Variants in SLC12A8 observed in about 807,000 individuals in gnomAD.
The protein encoded by SLC12A8 is solute carrier family 12 member 8.
SLC12A8 carries 69 observed loss-of-function variants against 75.6 expected under a neutral mutation model. The ratio of observed to expected loss-of-function variants is 0.91; its 90% CI spans 0.75 to 1.11. SLC12A8 has a LOEUF of 1.11. SLC12A8 is among the 50% of genes most tolerant of loss of function. The pLI, the probability that SLC12A8 is intolerant of heterozygous loss-of-function variation, is 0.00. For missense variants in SLC12A8, 877 were observed against 896.7 expected (o/e 0.98, Z 0.28); for synonymous variants, 365 against 372.8 (o/e 0.98, Z 0.24).
chr3:125,150,325 C>A (rs370317063), intron 5 of SLC12A8, among the ~76,000 whole-genome samples: 2 of 152,282 alleles, frequency 1.3e-5, no homozygotes, highest in East Asian at 3.9e-4. Context: ...ATATTGGAAG[C>A]AAGGCTGGTT....
intron 5 of SLC12A8, among the ~76,000 whole-genome samples, chr3:125,143,400 G>A (rs1383010640): frequency 6.6e-6 from 1 of 152,234 alleles, no homozygotes; most frequent in Non-Finnish European, 1.5e-5. Flanking sequence ...GATAGGTTTC[G>A]AAGAGGCCCC....
intron 13 of SLC12A8, among the ~76,000 whole-genome samples, chr3:125,086,953 A>G (rs1938473826): frequency 6.6e-6 from 1 of 152,202 alleles, no homozygotes; most frequent in Non-Finnish European, 1.5e-5. Context: ...GAGTTGTCTT[A>G]AATAGGATTC....
At chr3:125,106,511 C>A (rs1056149312) in intron 10 of SLC12A8, among the ~76,000 whole-genome samples, 1 of 152,182 alleles carries the variant, frequency 6.6e-6, no homozygotes, top group Non-Finnish European at 1.5e-5. Context: ...TCAAGCAATT[C>A]TCCTGCCTCA....
chr3:125,144,817 G>A (rs879212223), intron 5 of SLC12A8, among the ~76,000 whole-genome samples: 4 of 152,178 alleles, frequency 2.6e-5, no homozygotes, highest in Admixed American at 2.6e-4. Flanking sequence ...CGCCAGGCAG[G>A]CAGCTGAGAC....
intron 2 of SLC12A8, among the ~76,000 whole-genome samples, chr3:125,208,143 G>A (rs1349310353): frequency 6.6e-6 from 1 of 152,176 alleles, no homozygotes; most frequent in Non-Finnish European, 1.5e-5. Flanking sequence ...GAGGCCCCTG[G>A]AACAAGGCTT....
chr3:125,133,373 A>G (rs1933407017), intron 6 of SLC12A8, among the ~76,000 whole-genome samples: 1 of 60,264 alleles, frequency 1.7e-5, no homozygotes, highest in Non-Finnish European at 5.0e-5. Context: ...GCACACACAC[A>G]CACACAATTT....
At position 125,115,621 on chromosome 3, in the gene SLC12A8, GA is replaced by G. The variant is rs539004874; in HGVS notation, c.912+3147del. On this transcript the variant is annotated intron_variant, in intron 8 of 13. Coordinates refer to ENST00000469902, the MANE Select transcript of SLC12A8 (RefSeq NM_024628.6). ...TAGAAATAGATCAGAGAAGCTGCAGGAAACCCAGAAAGAAACAGATTAACTG... is the reference window on the plus strand; with the variant it reads ...TAGAAATAGATCAGAGAAGCTGCAGGAACCCAGAAAGAAACAGATTAACTG... 2.8e-4 allele frequency among the ~76,000 whole-genome samples: 43 copies of G among 152,198 alleles called. 2 individuals are homozygous for G. The South Asian group carries it at 8.8e-3, about 31-fold the overall frequency.
At chr3:125,113,939 G>T (rs1267337112) in intron 8 of SLC12A8, among the ~76,000 whole-genome samples, 1 of 152,072 alleles carries the variant, frequency 6.6e-6, no homozygotes, top group Non-Finnish European at 1.5e-5. Context: ...CATTTGCAAG[G>T]CGCTCATTCT....
At chr3:125,176,292 A>G (rs1281907573) in intron 5 of SLC12A8, among the ~76,000 whole-genome samples, 1 of 152,180 alleles carries the variant, frequency 6.6e-6, no homozygotes, top group African/African-American at 2.4e-5. Context: ...GCTGGTCTCA[A>G]ACTCCTGACT....
chr3:125,086,720 C>A (rs1938468559), intron 13 of SLC12A8, among the ~76,000 whole-genome samples: 1 of 152,142 alleles, frequency 6.6e-6, no homozygotes, highest in Non-Finnish European at 1.5e-5. Flanking sequence ...GGACAAGAGG[C>A]AGAAAGATCA....
intron 2 of SLC12A8, among the ~76,000 whole-genome samples, chr3:125,199,294 G>A (rs1935074270): frequency 6.6e-6 from 1 of 152,172 alleles, no homozygotes; most frequent in Non-Finnish European, 1.5e-5. Flanking sequence ...GTGTTAACAA[G>A]TGGTCAATCT....
intron 13 of SLC12A8, among the ~76,000 whole-genome samples, chr3:125,084,440 A>G (rs946378291): frequency 1.1e-4 from 17 of 152,112 alleles, no homozygotes; most frequent in African/African-American, 3.9e-4. Flanking sequence ...TGAGAAGAGC[A>G]GAAAGAGAAA....
At chr3:125,095,923 T>A (rs1473310664) in intron 10 of SLC12A8, among the ~76,000 whole-genome samples, 1 of 152,226 alleles carries the variant, frequency 6.6e-6, no homozygotes, top group Non-Finnish European at 1.5e-5. Flanking sequence ...TAAAAGCCAG[T>A]GATCTTCTTA....
At chr3:125,192,202 G>T (rs540399865) in intron 2 of SLC12A8, among the ~76,000 whole-genome samples, 5 of 152,160 alleles carry the variant, frequency 3.3e-5, no homozygotes, top group African/African-American at 1.2e-4. Flanking sequence ...ACTGTAGAGA[G>T]TGCCATCAGC....
At chr3:125,178,014 A>C (rs746996552) in intron 4 of SLC12A8, 40 bp from the exon 5 acceptor site, 14 of 1,561,834 alleles carry the variant, frequency 9.0e-6, no homozygotes, top group South Asian at 5.7e-5. Flanking sequence ...GCAGGACAGA[A>C]AGCCATGGGC....
At chr3:125,087,241 C>T (rs1487743292) in intron 13 of SLC12A8, among the ~76,000 whole-genome samples, 6 of 151,974 alleles carry the variant, frequency 3.9e-5, no homozygotes, top group Admixed American at 1.3e-4. Flanking sequence ...ATTACAGGCA[C>T]GCCACCATGC....
chr3:125,163,878 C>T (rs544779346), intron 5 of SLC12A8, among the ~76,000 whole-genome samples: 41 of 152,360 alleles, frequency 2.7e-4, no homozygotes, highest in African/African-American at 9.6e-4. Flanking sequence ...CCAGGAGGTG[C>T]TGCTGAGGCC....
intron 6 of SLC12A8, among the ~76,000 whole-genome samples, chr3:125,128,405 C>T (rs932277519): frequency 1.4e-5 from 2 of 146,490 alleles, no homozygotes; most frequent in African/African-American, 5.1e-5. Flanking sequence ...TGGTCTCGAT[C>T]TCCTGACCTC....
intron 2 of SLC12A8, among the ~76,000 whole-genome samples, chr3:125,208,679 G>T (rs538803378): frequency 6.7e-6 from 1 of 149,572 alleles, no homozygotes; most frequent in Admixed American, 6.7e-5. Flanking sequence ...ATGCACCCTC[G>T]ACCACCACAC....
Sources: allele counts gnomAD v4.1 joint callset (sites outside exome capture counted in the v4.1 genomes callset), GRCh38; gene constraint gnomAD v4.1.1; transcripts MANE v1.5; gene names NCBI Gene and HGNC (gene_info 2026-07-23, HGNC 2026-07-21).